Variants in MYOM1 observed in about 807,000 individuals in gnomAD.
MYOM1 encodes the protein myomesin 1, also known as myomesin-1.
In MYOM1, 164 loss-of-function variants were observed where a neutral mutation model predicts 205.3. That is an observed-to-expected ratio of 0.80 (90% CI 0.70 to 0.91). The LOEUF (loss-of-function observed/expected upper bound fraction) is 0.91. MYOM1 is among the 40% of genes least tolerant of loss of function. The pLI is 0.00. For synonymous variants in MYOM1, 772 were observed against 789.4 expected (o/e 0.98, Z 0.37); for missense variants, 2,011 against 2,127.3 (o/e 0.95, Z 1.08).
At chr18:3,193,583 C>G (rs1366709884) in intron 3 of MYOM1, among the ~76,000 whole-genome samples, 3 of 152,064 alleles carry the variant, frequency 2.0e-5, no homozygotes, top group African/African-American at 7.2e-5. Context: ...CCTTTTAACA[C>G]AGTTAACACA....
chr18:3,222,381 G>A (rs902841641), upstream of MYOM1, among the ~76,000 whole-genome samples: 2 of 152,184 alleles, frequency 1.3e-5, no homozygotes, highest in Non-Finnish European at 2.9e-5. Context: ...ATTCTGCTGG[G>A]TCTAGCTCAT....
the MYOM1 span, among the ~76,000 whole-genome samples, chr18:3,245,553 A>G: frequency 1.4e-4 from 22 of 152,052 alleles, no homozygotes; most frequent in Admixed American, 1.4e-3. Context: ...GGACATTTGA[A>G]GAACATTTTA....
intron 16 of MYOM1, among the ~76,000 whole-genome samples, chr18:3,132,159 A>G (rs1006035307): frequency 3.4e-5 from 5 of 147,792 alleles, no homozygotes; most frequent in South Asian, 4.2e-4. Context: ...AAATATATAT[A>G]TATATATTTT....
At chr18:3,102,396 T>C in intron 23 of MYOM1, 78 bp downstream of exon 23, 2 of 1,364,010 alleles carry the variant, frequency 1.5e-6, no homozygotes, top group African/African-American at 2.9e-5. Flanking sequence ...TTCCAAGCAA[T>C]TTAAGTGGAA....
chr18:3,154,886 G>T, intron 11 of MYOM1, 61 bp downstream of exon 11: 1 of 1,534,252 alleles, frequency 6.5e-7, no homozygotes. Context: ...AATGATGGGA[G>T]AAATCAAGCA....
intron 5 of MYOM1, among the ~76,000 whole-genome samples, chr18:3,177,619 C>T (rs570399992): frequency 4.3e-4 from 65 of 152,028 alleles, no homozygotes; most frequent in African/African-American, 1.5e-3. Flanking sequence ...TTACAGGCAC[C>T]GGCCACTACG....
rs1386571334 is a variant in MYOM1, at chr18:3,102,454, G to T, written c.3575+20C>A. ...TACAGTGAAAAGGAAACCCATGATTGTGATTGACATAGTCCTTACTTGTTG... is the reference window on the plus strand; with the variant it reads ...TACAGTGAAAAGGAAACCCATGATTTTGATTGACATAGTCCTTACTTGTTG... On this transcript the variant is annotated intron_variant, in intron 23 of 37. Transcript: ENST00000356443. 6.3e-7 allele frequency: 1 copy of T among 1,578,626 alleles called. No individual in the cohort carries two copies. Among genetic ancestry groups the T allele is most frequent in the African/African-American group, 1.4e-5 (1 of 73,726 alleles).
intron 8 of MYOM1, among the ~76,000 whole-genome samples, chr18:3,172,573 G>A (rs1244996452): frequency 6.6e-6 from 1 of 151,966 alleles, no homozygotes; most frequent in Non-Finnish European, 1.5e-5. Context: ...GCAGTGGCGT[G>A]ATCTCGGCTT....
At chr18:3,123,823 A>ATT (rs1489339125) in intron 19 of MYOM1, among the ~76,000 whole-genome samples, 19 of 61,698 alleles carry the variant, frequency 3.1e-4, no homozygotes, top group East Asian at 1.6e-3. Flanking sequence ...ATTTATTTTT[A>ATT]TTTATTTATT....
intron 26 of MYOM1, 71 bp downstream of exon 26, chr18:3,094,099 A>T: frequency 6.6e-7 from 1 of 1,517,448 alleles, no homozygotes; most frequent in Non-Finnish European, 9.0e-7. Context: ...CAACATATCC[A>T]CATCCACATA....
chr18:3,215,029 GGAC>G lies in MYOM1; in HGVS notation c.192_194del (p.Ser65del). ...AGGCCTGCTGCTGGGAGGAGGAGGC[GGAC>G]GCCCGACGGAAGGCCTCGGACTCCC... On this transcript the variant is annotated inframe_deletion, in exon 2 of 38. Transcript: ENST00000356443. 6.2e-7 allele frequency: 1 copy of G among 1,612,512 alleles called. No homozygotes were observed. Among genetic ancestry groups the G allele is most frequent in the Non-Finnish European group, 8.5e-7 (1 of 1,179,328 alleles).
At chr18:3,077,551 T>G (rs1271400386) in intron 34 of MYOM1, among the ~76,000 whole-genome samples, 1 of 152,100 alleles carries the variant, frequency 6.6e-6, no homozygotes, top group Non-Finnish European at 1.5e-5. Context: ...TGCTTCCTCT[T>G]GTCCCCGCAC....
upstream of MYOM1, among the ~76,000 whole-genome samples, chr18:3,223,228 C>T (rs943313599): frequency 6.6e-6 from 1 of 152,164 alleles, no homozygotes; most frequent in South Asian, 2.1e-4. Context: ...GATAATCATG[C>T]ATAAGATAAT....
intron 37 of MYOM1, among the ~76,000 whole-genome samples, chr18:3,070,736 TTGTGTGTGTG>T (rs57044157): frequency 0.05 from 7,306 of 146,112 alleles, 456 homozygotes; most frequent in African/African-American, 0.15. Context: ...TGCATGTTCT[TTGTGTGTGTG>T]TGTGTGTGTG....
intron 25 of MYOM1, 108 bp downstream of exon 25, chr18:3,100,051 T>C (rs17183854): frequency 8.8e-7 from 1 of 1,131,994 alleles, no homozygotes; most frequent in African/African-American, 1.5e-5. Context: ...CATTATATGT[T>C]CTCAAGAGTC....
At chr18:3,081,573 T>A (rs111731401) in intron 33 of MYOM1, among the ~76,000 whole-genome samples, 97 of 152,364 alleles carry the variant, frequency 6.4e-4, no homozygotes, top group African/African-American at 2.3e-3. Context: ...ACAAGTTAAT[T>A]CTTTTAGAGA....
chr18:3,206,758 A>G (rs1241599236), intron 2 of MYOM1, among the ~76,000 whole-genome samples: 2 of 152,176 alleles, frequency 1.3e-5, no homozygotes, highest in Non-Finnish European at 2.9e-5. Context: ...GTTCGCGGAC[A>G]AGTAGAAAGC....
intron 10 of MYOM1, among the ~76,000 whole-genome samples, chr18:3,163,491 C>T (rs1407408656): frequency 1.3e-5 from 2 of 152,140 alleles, no homozygotes; most frequent in Non-Finnish European, 2.9e-5. Context: ...CTCACTCTGT[C>T]ACCCAGGCTG....
intron 6 of MYOM1, among the ~76,000 whole-genome samples, chr18:3,175,013 A>G (rs1008319591): frequency 6.6e-6 from 1 of 151,906 alleles, no homozygotes; most frequent in Non-Finnish European, 1.5e-5. Context: ...CGTGTTCTTC[A>G]TTGTTTCTCG....
Sources: gnomAD v4.1 joint callset for allele counts (sites outside exome capture counted in the v4.1 genomes callset) on GRCh38, gnomAD v4.1.1 for gene constraint, MANE v1.5 for transcripts, NCBI Gene and HGNC (gene_info 2026-07-23, HGNC 2026-07-21) for gene names.